The following P2RX7 variants were observed in gnomAD, a reference collection of about 807,000 sequenced individuals.
P2RX7 encodes the protein purinergic receptor P2X 7, also known as P2X purinoceptor 7.
Under a neutral mutation model 71.6 loss-of-function variants are expected in P2RX7, and 62 were observed. The observed-to-expected ratio is 0.87, with a 90% CI of 0.71 to 1.07. The LOEUF is 1.07. Ranked by LOEUF, P2RX7 falls within the 50% of genes least tolerant of loss-of-function variation. The probability of loss-of-function intolerance (pLI) is 0.00; values close to 1 mark genes in which losing one functional copy is unlikely to be tolerated. For synonymous variants in P2RX7, 299 were observed against 283.3 expected, an observed-to-expected ratio of 1.06 and a Z score of -0.56; for missense variants, 686 against 748.5, an observed-to-expected ratio of 0.92 and a Z score of 0.97.
chr12:121,180,580 C>A, intron 12 of P2RX7, 125 bp downstream of exon 12: 1 of 512,820 alleles, frequency 1.9e-6, no homozygotes, highest in South Asian at 3.4e-5. Context: ...CTCATATAAC[C>A]GGCACTCAGA....
chr12:121,161,068 T>C, intron 4 of P2RX7, 94 bp downstream of exon 4: 1 of 929,902 alleles, frequency 1.1e-6, no homozygotes. Context: ...CAGCCTCTGC[T>C]CTCAGCTGCC....
chr12:121,158,459 G>A (rs1265370239), intron 3 of P2RX7, among the ~76,000 whole-genome samples: 1 of 152,102 alleles, frequency 6.6e-6, no homozygotes, highest in Admixed American at 6.5e-5. Flanking sequence ...TCTCCAGCAG[G>A]GTAGTCAAAC....
intron 7 of P2RX7, 99 bp downstream of exon 7, chr12:121,166,286 G>A: frequency 7.6e-7 from 1 of 1,309,894 alleles, no homozygotes; most frequent in East Asian, 2.4e-5. Flanking sequence ...TCATAATGTG[G>A]CTCACATTTA....
chr12:121,152,010 A>G (rs1271963797), intron 1 of P2RX7, among the ~76,000 whole-genome samples: 3 of 151,832 alleles, frequency 2.0e-5, no homozygotes, highest in Non-Finnish European at 4.4e-5. Flanking sequence ...AGGTTCATCA[A>G]TATTACTCGC....
chr12:121,169,844 G>T (rs1653613), intron 8 of P2RX7, among the ~76,000 whole-genome samples: 147,625 of 152,244 alleles, frequency 0.97, 71,590 homozygotes, highest in East Asian at 1. Context: ...CCTGGGAGGT[G>T]GAGGCTGCAG....
intron 5 of P2RX7, among the ~76,000 whole-genome samples, chr12:121,164,224 C>T (rs208297): frequency 0.013 from 2,030 of 152,286 alleles, 43 homozygotes; most frequent in African/African-American, 0.046. Flanking sequence ...ACTCCCTGAA[C>T]TTCAGTTTCT....
At chr12:121,175,277 C>T (rs1247861356) in intron 8 of P2RX7, 111 bp from the exon 9 acceptor site, 4 of 606,318 alleles carry the variant, frequency 6.6e-6, no homozygotes, top group Non-Finnish European at 1.2e-5. Flanking sequence ...TGCTACTGCA[C>T]TCCAGCCTGG....
In P2RX7 at chr12:121,185,083, C is replaced by A. The variant is rs1718106; in HGVS notation, c.*281C>A. ...CTGGGAGGCACAGCAAACTGTCCCC[C>A]AAAAAAAAAAAAGAGTCCTTACCAA... On this transcript the variant is annotated 3_prime_UTR_variant, in exon 13 of 13. Coordinates refer to ENST00000328963, the MANE Select transcript of P2RX7 (RefSeq NM_002562.6). The A allele has an allele frequency of 0.82, 173,401 of 211,030 alleles. 70,251 individuals carry two copies. Among genetic ancestry groups the A allele is most frequent in the Admixed American group, 0.87 (15,341 of 17,536 alleles). 13.1% of individuals were successfully genotyped at this position (211,030 alleles called of 1,614,324 possible).
At chr12:121,156,290 G>A (rs1222841090) in intron 3 of P2RX7, 143 bp downstream of exon 3, 3 of 663,860 alleles carry the variant, frequency 4.5e-6, no homozygotes, top group Non-Finnish European at 8.1e-6. Flanking sequence ...GTGGGGTAGG[G>A]CTGGGCTGAG....
At chr12:121,144,390 G>A (rs1301355427) in intron 1 of P2RX7, among the ~76,000 whole-genome samples, 2 of 152,100 alleles carry the variant, frequency 1.3e-5, no homozygotes, top group Admixed American at 6.6e-5. Context: ...TAGAGATGGG[G>A]TCTCACCATG....
rs1032870964 is a variant in P2RX7 at position 121,149,616 on chromosome 12, A to G, written c.126-5169A>G. ...TATCTCCCACCAGGTCCCTCCCACA[A>G]CACATGGAAATTATGGGAGCTATAA... On this transcript the variant is annotated intron_variant, in intron 1 of 12. Transcript: ENST00000328963. The surrounding 1 kb of genome is among the most constrained non-coding windows in gnomAD (Gnocchi z 4.7). Among the ~76,000 whole-genome samples, 2 of 152,148 alleles carry G rather than the reference A, an allele frequency of 1.3e-5. No individual in the cohort carries two copies. Among genetic ancestry groups the G allele is most frequent in the African/African-American group, 4.8e-5 (2 of 41,440 alleles).
At chr12:121,153,181 G>A (rs1877819151) in intron 1 of P2RX7, among the ~76,000 whole-genome samples, 1 of 152,194 alleles carries the variant, frequency 6.6e-6, no homozygotes, top group African/African-American at 2.4e-5. Flanking sequence ...GGATGGGACT[G>A]GGGACTTGAA....
At chr12:121,153,335 GA>G (rs1358162364) in intron 1 of P2RX7, among the ~76,000 whole-genome samples, 1 of 152,180 alleles carries the variant, frequency 6.6e-6, no homozygotes, top group Non-Finnish European at 1.5e-5. Flanking sequence ...TGAGCAGATA[GA>G]AGGGACTAAA....
At chr12:121,143,221 TAA>T (rs35217704) in intron 1 of P2RX7, among the ~76,000 whole-genome samples, 63 of 136,728 alleles carry the variant, frequency 4.6e-4, no homozygotes, top group African/African-American at 4.2e-4. Flanking sequence ...CTCTCTCTAC[TAA>T]AAAAAAAAAA....
At chr12:121,156,763 C>T (rs1878654913) in intron 3 of P2RX7, among the ~76,000 whole-genome samples, 1 of 152,182 alleles carries the variant, frequency 6.6e-6, no homozygotes, top group African/African-American at 2.4e-5. Flanking sequence ...CCCCATGACT[C>T]CCTGCCACCA....
intron 3 of P2RX7, among the ~76,000 whole-genome samples, chr12:121,158,643 T>C (rs1879054721): frequency 1.3e-5 from 2 of 152,152 alleles, no homozygotes; most frequent in African/African-American, 2.4e-5. Context: ...CACCTCTCAA[T>C]GGAGAAAGTG....
At chr12:121,179,405 C>T (rs1223799594) in intron 11 of P2RX7, among the ~76,000 whole-genome samples, 1 of 151,344 alleles carries the variant, frequency 6.6e-6, no homozygotes, top group African/African-American at 2.4e-5. Flanking sequence ...GAGGCTGAGG[C>T]AGGAGAATCG....
chr12:121,150,548 G>A (rs952067784), intron 1 of P2RX7, among the ~76,000 whole-genome samples: 2 of 152,230 alleles, frequency 1.3e-5, no homozygotes, highest in African/African-American at 2.4e-5. Flanking sequence ...GCTATGTCTC[G>A]TATGTGCTGA....
chr12:121,156,044 G>C lies in P2RX7; in HGVS notation c.295-35G>C, dbSNP rs186332279. The C allele has an allele frequency of 2.4e-5, 38 of 1,561,456 alleles. 2 individuals carry two copies. In the South Asian group the frequency reaches 2.6e-4, roughly 10 times the overall value. ...ATAATTAAGTAGTTCTCTTTTCAAA[G>C]GCCTTGCATTTTCTTAGCCTCTCCT... On this transcript the variant is annotated intron_variant, in intron 2 of 12. Coordinates refer to ENST00000328963, the MANE Select transcript of P2RX7 (RefSeq NM_002562.6).
Sources: gnomAD v4.1 joint callset for allele counts (sites outside exome capture counted in the v4.1 genomes callset) on GRCh38, gnomAD v4.1.1 for gene constraint, Gnocchi (gnomAD v3.1) non-coding constraint, MANE v1.5 for transcripts, NCBI Gene and HGNC (gene_info 2026-07-23, HGNC 2026-07-21) for gene names.